RGS18: variants seen among roughly 807,000 people sequenced by gnomAD.
RGS18 encodes regulator of G protein signaling 18, also known as regulator of G-protein signaling 18.
RGS18 carries 22 observed loss-of-function variants against 27.6 expected under a neutral mutation model. The ratio of observed to expected loss-of-function variants is 0.80; its 90% CI spans 0.57 to 1.14. The LOEUF is 1.14. Ranked by LOEUF, RGS18 falls within the 50% of genes most tolerant of loss-of-function variation. RGS18 has a pLI of 0.00. For synonymous variants in RGS18, 89 were observed against 84.6 expected (o/e 1.05, Z -0.29); for missense variants, 299 against 269.6 (o/e 1.11, Z -0.76).
At chr1:192,160,254 A>G (rs1368975657) in intron 2 of RGS18, 124 bp from the exon 3 acceptor site, 1 of 463,160 alleles carries the variant, frequency 2.2e-6, no homozygotes. Context: ...TTTTCATTAT[A>G]TTATAATCAA....
intron 4 of RGS18, 138 bp from the exon 5 acceptor site, chr1:192,184,159 C>T (rs962189101): frequency 1.4e-6 from 1 of 692,628 alleles, no homozygotes; most frequent in Non-Finnish European, 2.4e-6. Context: ...GAGGTTTGGG[C>T]AGGCTACACA....
At chr1:192,179,655 A>G (rs1656417762) in intron 3 of RGS18, among the ~76,000 whole-genome samples, 1 of 151,664 alleles carries the variant, frequency 6.6e-6, no homozygotes, top group Admixed American at 6.6e-5. Flanking sequence ...ACATTCATCA[A>G]CCTGAATAAA....
At chr1:192,179,779 T>C (rs569299659) in intron 3 of RGS18, among the ~76,000 whole-genome samples, 5 of 151,702 alleles carry the variant, frequency 3.3e-5, no homozygotes, top group African/African-American at 1.2e-4. Context: ...GGAGACCAGA[T>C]TAGTGGTTCC....
chr1:192,160,104 A>C (rs190732065), intron 2 of RGS18, among the ~76,000 whole-genome samples: 11 of 152,200 alleles, frequency 7.2e-5, no homozygotes, highest in African/African-American at 2.4e-4. Flanking sequence ...CTTTAACCTA[A>C]AAAAGGATTA....
At chr1:192,184,200 G>A (rs1452301511) in intron 4 of RGS18, 97 bp from the exon 5 acceptor site, 42 of 1,103,456 alleles carry the variant, frequency 3.8e-5, no homozygotes. Flanking sequence ...CTAAGCCCAA[G>A]ATGCCCACTC....
chr1:192,184,417 C>T lies in RGS18; in HGVS notation c.571C>T (p.Arg191Cys), dbSNP rs201015118. 11 of 1,611,820 alleles carry T rather than the reference C, an allele frequency of 6.8e-6. No homozygotes were observed. Among genetic ancestry groups the T allele is most frequent in the Admixed American group, 1.7e-5 (1 of 59,776 alleles). Residue 191 changes from arginine to cysteine, a missense_variant, in exon 5 of 5, where the codon CGT (arginine) becomes TGT (cysteine). By Grantham distance (180) the Arg-to-Cys change is radical (BLOSUM62 -3). Transcript: ENST00000367460. ...YQLMEQDSYT[R>C]FLKSDIYLDL... ...GCTCATGGAACAAGACAGTTATACA[C>T]GTTTTCTGAAATCTGACATCTATTT...
Position 192,160,372 on chromosome 1 carries a change from G to C in RGS18, c.222-6G>C, listed in dbSNP as rs1021591441. On this transcript the variant is annotated splice_region_variant and splice_polypyrimidine_tract_variant and intron_variant, in intron 2 of 4. Transcript: ENST00000367460. ...TCCATTATAAAACATTTTGTTTCTT[G>C]TACAGAGTCTCCCCTGAAGAGGCAG... The C allele has an allele frequency of 7.5e-6, 12 of 1,606,026 alleles. 1 individual carries two copies. The Admixed American group carries it at 1.5e-4, about 20-fold the overall frequency.
intron 3 of RGS18, chr1:192,160,748 C>A (rs1656055429): frequency 6.6e-6 from 2 of 301,324 alleles, no homozygotes; most frequent in Non-Finnish European, 1.2e-5. Flanking sequence ...TCATGATTAA[C>A]GAACTATTCA....
At chr1:192,160,646 A>C (rs1009939722) in intron 3 of RGS18, 1 of 488,220 alleles carries the variant, frequency 2.0e-6, no homozygotes, top group African/African-American at 1.9e-5. Flanking sequence ...AGAATTACCT[A>C]CTGTGGATGA....
intron 3 of RGS18, among the ~76,000 whole-genome samples, chr1:192,175,632 A>G (rs574018015): frequency 6.6e-6 from 1 of 151,946 alleles, no homozygotes; most frequent in African/African-American, 2.4e-5. Flanking sequence ...AAACTCTCCT[A>G]TCTCCATTAA....
intron 3 of RGS18, among the ~76,000 whole-genome samples, chr1:192,177,464 C>A (rs1656377116): frequency 6.6e-6 from 1 of 151,110 alleles, no homozygotes; most frequent in Non-Finnish European, 1.5e-5. Flanking sequence ...TGAGTTATTT[C>A]TCATGTTGGG....
In RGS18 at chr1:192,160,372, G is replaced by A; in HGVS notation, c.222-6G>A. On this transcript the variant is annotated splice_region_variant and splice_polypyrimidine_tract_variant and intron_variant, in intron 2 of 4. Transcript: ENST00000367460. Reference sequence around the variant, plus strand: ...TCCATTATAAAACATTTTGTTTCTTGTACAGAGTCTCCCCTGAAGAGGCAG... The same window carrying A: ...TCCATTATAAAACATTTTGTTTCTTATACAGAGTCTCCCCTGAAGAGGCAG... 6.2e-7 allele frequency: 1 copy of A among 1,606,144 alleles called. No homozygotes were observed. The highest frequency in any genetic ancestry group is 8.5e-7 in the Non-Finnish European group (1 of 1,173,272).
intron 3 of RGS18, among the ~76,000 whole-genome samples, chr1:192,180,835 A>T (rs576541621): frequency 1.3e-5 from 2 of 151,766 alleles, no homozygotes; most frequent in South Asian, 4.1e-4. Context: ...ATGGACTTGG[A>T]GAAAAGGCTG....
intron 3 of RGS18, 71 bp downstream of exon 3, chr1:192,160,510 C>T (rs114973754): frequency 0.012 from 13,247 of 1,128,738 alleles, 142 homozygotes; most frequent in Middle Eastern, 0.041. Flanking sequence ...TGTAATTATC[C>T]GAAACAATAG....
chr1:192,160,499 ATG>A (rs1656051866), intron 3 of RGS18, 60 bp downstream of exon 3: 2 of 1,233,160 alleles, frequency 1.6e-6, no homozygotes, highest in African/African-American at 1.5e-5. Context: ...CAAACTATGC[ATG>A]TAATTATCCG....
chr1:192,177,260 G>A (rs1356675968), intron 3 of RGS18, among the ~76,000 whole-genome samples: 1 of 150,782 alleles, frequency 6.6e-6, no homozygotes, highest in East Asian at 2.0e-4. Context: ...ACAATTTTGT[G>A]GATTTTTTTT....
rs1198382357 is a variant in RGS18 at position 192,185,447 on chromosome 1, A to T, written c.*893A>T. The T allele has an allele frequency of 1.3e-5, 2 of 151,630 alleles. No homozygotes were observed. The highest frequency in any genetic ancestry group is 3.9e-4 in the East Asian group (2 of 5,132). 9.4% of individuals were successfully genotyped at this position (151,630 alleles called of 1,614,324 possible). On this transcript the variant is annotated 3_prime_UTR_variant, in exon 5 of 5. Transcript: ENST00000367460. ...CTTTAGAATTGGGGTAGAAATCAGA[A>T]ATGAGATGAGGGGAAGAAGCAAGGA...
At chr1:192,162,001 G>A (rs1383203249) in intron 3 of RGS18, among the ~76,000 whole-genome samples, 3 of 152,184 alleles carry the variant, frequency 2.0e-5, no homozygotes, top group African/African-American at 7.2e-5. Context: ...AATGAAAGTA[G>A]ATGGCTGCCT....
rs573035521 is a variant in RGS18, at chr1:192,167,523, G to A, written c.283+7084G>A. 7.2e-5 allele frequency among the ~76,000 whole-genome samples: 11 copies of A among 151,896 alleles called. No individual in the cohort carries two copies. The East Asian group carries it at 1.7e-3, about 24-fold the overall frequency. ...CAACCTCCACCTCCTGGGTTCAAGC[G>A]ATTCTCCTGCCTCAGCCTCCCAAGT... is the stretch of plus-strand genomic sequence containing the variant. On this transcript the variant is annotated intron_variant, in intron 3 of 4. Coordinates refer to ENST00000367460, the MANE Select transcript of RGS18 (RefSeq NM_130782.3).
Sources: gnomAD v4.1 joint callset for allele counts (sites outside exome capture counted in the v4.1 genomes callset) on GRCh38, gnomAD v4.1.1 for gene constraint, MANE v1.5 for transcripts, NCBI Gene and HGNC (gene_info 2026-07-23, HGNC 2026-07-21) for gene names.